The following EPC2 variants were observed in gnomAD, a reference collection of about 807,000 sequenced individuals.
EPC2 encodes the protein enhancer of polycomb homolog 2.
In EPC2, 14 loss-of-function variants were observed where a neutral mutation model predicts 92.1. That is an observed-to-expected ratio of 0.15 (90% CI 0.10 to 0.24). The LOEUF is 0.24. Among genes scored for constraint, EPC2 ranks in the 10% least tolerant of loss-of-function variants. The probability of loss-of-function intolerance (pLI) is 1.00; values close to 1 mark genes in which losing one functional copy is unlikely to be tolerated. For missense variants in EPC2, 755 were observed against 971.5 expected, an observed-to-expected ratio of 0.78 and a Z score of 2.96; for synonymous variants, 340 against 334.7, an observed-to-expected ratio of 1.02 and a Z score of -0.17.
chr2:148,677,795 C>T (rs1681300600), intron 1 of EPC2, among the ~76,000 whole-genome samples: 1 of 151,834 alleles, frequency 6.6e-6, no homozygotes, highest in Non-Finnish European at 1.5e-5. Context: ...TGTTACAGCT[C>T]TTAAGGCGGC....
intron 1 of EPC2, among the ~76,000 whole-genome samples, chr2:148,669,520 G>T (rs1271754440): frequency 6.6e-6 from 1 of 152,036 alleles, no homozygotes; most frequent in Non-Finnish European, 1.5e-5. Context: ...CTACAAAAGA[G>T]AAATTTAAAA....
intron 2 of EPC2, among the ~76,000 whole-genome samples, chr2:148,697,767 G>A (rs948969161): frequency 6.6e-6 from 1 of 152,200 alleles, no homozygotes; most frequent in African/African-American, 2.4e-5. Flanking sequence ...GGTCAGCCAG[G>A]ACCTTTGGGT....
chr2:148,767,136 T>G (rs1423634168), intron 7 of EPC2, among the ~76,000 whole-genome samples: 1 of 150,810 alleles, frequency 6.6e-6, no homozygotes, highest in African/African-American at 2.4e-5. Context: ...AGATGAAGGT[T>G]GCTGTGAGCC....
At chr2:148,647,083 C>G (rs1284652490) in intron 1 of EPC2, among the ~76,000 whole-genome samples, 2 of 152,088 alleles carry the variant, frequency 1.3e-5, no homozygotes, top group African/African-American at 4.8e-5. Flanking sequence ...GCACTCCAGC[C>G]TGGGGGACAG....
chr2:148,682,976 T>A (rs967677333), intron 1 of EPC2, among the ~76,000 whole-genome samples: 1 of 152,242 alleles, frequency 6.6e-6, no homozygotes, highest in Non-Finnish European at 1.5e-5. Flanking sequence ...GCTTTTAATT[T>A]ATAGAAATCA....
chr2:148,707,427 T>C (rs1190247274), intron 2 of EPC2, among the ~76,000 whole-genome samples: 1 of 152,050 alleles, frequency 6.6e-6, no homozygotes, highest in African/African-American at 2.4e-5. Context: ...CTGTCAACAT[T>C]AGACAAATCA....
intron 2 of EPC2, 96 bp from the exon 3 acceptor site, chr2:148,743,526 C>T: frequency 2.1e-6 from 2 of 939,374 alleles, no homozygotes; most frequent in Non-Finnish European, 3.1e-6. Context: ...TTAGTCAGTG[C>T]ACTGTAATTT....
chr2:148,729,954 G>A (rs1682584408), intron 2 of EPC2, among the ~76,000 whole-genome samples: 1 of 152,198 alleles, frequency 6.6e-6, no homozygotes, highest in Admixed American at 6.5e-5. Context: ...GAGGAGAGGA[G>A]TGTAGTGTGT....
At chr2:148,685,494 C>T (rs1209100622) in intron 1 of EPC2, among the ~76,000 whole-genome samples, 1 of 152,214 alleles carries the variant, frequency 6.6e-6, no homozygotes, top group African/African-American at 2.4e-5. Context: ...GGCACGGTGG[C>T]TCACGCCTGT....
intron 2 of EPC2, among the ~76,000 whole-genome samples, chr2:148,705,339 G>A (rs532126701): frequency 6.6e-6 from 1 of 152,284 alleles, no homozygotes; most frequent in African/African-American, 2.4e-5. Flanking sequence ...GTAGTTGAGT[G>A]ATGATAAGTT....
chr2:148,691,852 A>G, intron 2 of EPC2: 1 of 630,122 alleles, frequency 1.6e-6, no homozygotes, highest in Admixed American at 2.1e-5. Flanking sequence ...TCTTACACTG[A>G]GGGCATAGCC....
chr2:148,653,712 T>G (rs1216820793), intron 1 of EPC2, among the ~76,000 whole-genome samples: 1 of 152,042 alleles, frequency 6.6e-6, no homozygotes, highest in Non-Finnish European at 1.5e-5. Flanking sequence ...TGCTTTTTTT[T>G]TTTTAAATGG....
intron 2 of EPC2, among the ~76,000 whole-genome samples, chr2:148,694,613 A>G (rs1000649969): frequency 2.0e-5 from 3 of 152,232 alleles, no homozygotes; most frequent in African/African-American, 7.2e-5. Context: ...TTCAGTACCC[A>G]AACTTTTCTC....
intron 2 of EPC2, among the ~76,000 whole-genome samples, chr2:148,723,007 A>G (rs1418620023): frequency 6.6e-6 from 1 of 152,156 alleles, no homozygotes; most frequent in Non-Finnish European, 1.5e-5. Flanking sequence ...GGAACAAGAG[A>G]CACTGGGACC....
intron 7 of EPC2, among the ~76,000 whole-genome samples, chr2:148,765,674 T>C (rs192691759): frequency 4.8e-4 from 73 of 152,324 alleles, no homozygotes; most frequent in Admixed American, 8.5e-4. Flanking sequence ...AACAGCTTTA[T>C]AGAAAAATGT....
chr2:148,742,570 C>G (rs1370651578), intron 2 of EPC2, among the ~76,000 whole-genome samples: 2 of 151,802 alleles, frequency 1.3e-5, no homozygotes, highest in Non-Finnish European at 2.9e-5. Context: ...CGCTTGAGCC[C>G]AGGAGTTCCA....
chr2:148,769,168 A>G lies in EPC2; in HGVS notation c.1158A>G (p.Ser386=), dbSNP rs1238004125. 1 of 1,612,418 alleles carries G rather than the reference A, an allele frequency of 6.2e-7. No individual in the cohort carries two copies. Among genetic ancestry groups the G allele is most frequent in the East Asian group, 2.2e-5 (1 of 44,862 alleles). The part of the protein sequence containing the change: ...DEFPQVLSPV[S]EPEEENDPDG... The stretch of plus-strand genomic sequence containing the variant: ...TTGTCTAGGTATTGTCCCCAGTATC[A>G]GAACCGGAAGAAGAAAATGATCCTG... The change falls in exon 8 of 14, where the codon TCA becomes TCG. Residue 386 remains serine, a synonymous_variant. Transcript: ENST00000258484.
chr2:148,764,765 T>C (rs902882548), intron 6 of EPC2, among the ~76,000 whole-genome samples, 190 bp from the exon 7 acceptor site: 1 of 152,178 alleles, frequency 6.6e-6, no homozygotes, highest in African/African-American at 2.4e-5. Flanking sequence ...CCATAATTAT[T>C]TTTCATCATA....
At chr2:148,759,758 A>C (rs1167121663) in intron 4 of EPC2, among the ~76,000 whole-genome samples, 1 of 152,226 alleles carries the variant, frequency 6.6e-6, no homozygotes, top group African/African-American at 2.4e-5. Flanking sequence ...GAGATAAAGC[A>C]AATGTAAAAC....
Sources: gnomAD v4.1 joint callset for allele counts (sites outside exome capture counted in the v4.1 genomes callset) on GRCh38, gnomAD v4.1.1 for gene constraint, MANE v1.5 for transcripts, NCBI Gene and HGNC (gene_info 2026-07-23, HGNC 2026-07-21) for gene names.